The following RASSF4 variants were observed in gnomAD, a reference collection of about 807,000 sequenced individuals.
The protein encoded by RASSF4 is Ras association domain family member 4.
A neutral mutation model predicts 41.1 loss-of-function variants in RASSF4; 38 were observed. The ratio of observed to expected loss-of-function variants is 0.92; its 90% CI spans 0.71 to 1.21. The LOEUF is 1.21. RASSF4 is among the 50% of genes most tolerant of loss of function. The pLI is 0.00. For synonymous variants in RASSF4, 179 were observed against 163.4 expected, an observed-to-expected ratio of 1.10 and a Z score of -0.73; for missense variants, 414 against 419.4, an observed-to-expected ratio of 0.99 and a Z score of 0.11.
chr10:44,974,622 A>C (rs1588809236), intron 3 of RASSF4, among the ~76,000 whole-genome samples: 5 of 151,640 alleles, frequency 3.3e-5, no homozygotes, highest in African/African-American at 4.8e-5. Context: ...CCTGAAAGAG[A>C]CCCCCCCGTG....
intron 3 of RASSF4, chr10:44,977,353 C>G: frequency 6.6e-7 from 1 of 1,518,762 alleles, no homozygotes; most frequent in Non-Finnish European, 8.8e-7. Flanking sequence ...GAGATGCAGA[C>G]CCAGCATGCT....
intron 9 of RASSF4, 35 bp from the exon 10 acceptor site, chr10:44,991,870 T>C (rs1342795423): frequency 6.9e-7 from 1 of 1,452,398 alleles, no homozygotes; most frequent in African/African-American, 1.4e-5. Flanking sequence ...TGGCTTCGAA[T>C]TTAAAGCACA....
At chr10:44,988,888 G>A (rs923519610) in intron 6 of RASSF4, among the ~76,000 whole-genome samples, 1 of 152,236 alleles carries the variant, frequency 6.6e-6, no homozygotes, top group East Asian at 1.9e-4. Flanking sequence ...ACTGCTGGGA[G>A]AATGAAGAGG....
Position 44,993,310 on chromosome 10 carries a change from A to G in RASSF4, c.947A>G (p.Gln316Arg). 2 of 1,606,536 alleles carry G rather than the reference A, an allele frequency of 1.2e-6. No homozygotes were observed. The highest frequency in any genetic ancestry group is 1.7e-6 in the Non-Finnish European group (2 of 1,179,390). The change falls in exon 11 of 11, where the codon CAG becomes CGG. Residue 316 changes from glutamine (Q) to arginine (R), a missense_variant. By Grantham distance (43) the Gln-to-Arg change is conservative. Transcript: ENST00000340258. The part of the protein sequence containing the change: ...LRLTMLQRLE[Q>R]LVEAK ...CTGACGATGCTGCAGCGCCTGGAGC[A>G]GCTGGTGGAGGCCAAGTAACTGGCC...
rs368684177 is a variant in RASSF4, at chr10:44,983,080, T to G, written c.281+417T>G. On this transcript the variant is annotated intron_variant, in intron 4 of 10. Coordinates refer to ENST00000340258, the MANE Select transcript of RASSF4 (RefSeq NM_032023.4). Reference sequence around the variant, plus strand: ...AATTTTAAAAATAAATTTATCAGAATTTCACATTACATTTGTTTAATATCA... The same window carrying G: ...AATTTTAAAAATAAATTTATCAGAAGTTCACATTACATTTGTTTAATATCA... 8 of 426,712 alleles carry G rather than the reference T, an allele frequency of 1.9e-5. No homozygotes were observed. In the Middle Eastern group the frequency reaches 2.1e-3, roughly 111 times the overall value. 26.4% of individuals were successfully genotyped at this position (426,712 alleles called of 1,614,324 possible).
At position 44,991,977 on chromosome 10, in the gene RASSF4, A is replaced by C; in HGVS notation, c.880A>C (p.Arg294=). The C allele has an allele frequency of 1.2e-6, 2 of 1,611,810 alleles. No individual in the cohort carries two copies. The highest frequency in any genetic ancestry group is 2.2e-5 in the South Asian group (2 of 91,042). ...TGAAAAATTAAAAGAAGAGGAAGAAAGAGAAATAATCAAACTGACCATGAA... is the reference window on the plus strand; with the variant it reads ...TGAAAAATTAAAAGAAGAGGAAGAACGAGAAATAATCAAACTGACCATGAA... The part of the protein sequence containing the change: ...FVEKLKEEEE[R]EIIKLTMKFQ... Residue 294 remains arginine, a synonymous_variant, in exon 10 of 11, where the codon AGA becomes CGA. Transcript: ENST00000340258.
At chr10:44,964,654 A>G (rs74128118) in intron 1 of RASSF4, among the ~76,000 whole-genome samples, 3,724 of 152,316 alleles carry the variant, frequency 0.024, 142 homozygotes, top group African/African-American at 0.086. Flanking sequence ...AGACTGAAAA[A>G]TACTCCAGCA....
At chr10:44,989,429 G>T (rs1842031230) in intron 7 of RASSF4, 54 bp downstream of exon 7, 2 of 1,317,992 alleles carry the variant, frequency 1.5e-6, no homozygotes, top group South Asian at 2.4e-5. Context: ...CTGCTATTCT[G>T]TTGGGGGTGG....
At chr10:44,971,120 G>A in intron 2 of RASSF4, 1 of 250,106 alleles carries the variant, frequency 4.0e-6, no homozygotes, top group Non-Finnish European at 8.0e-6. Flanking sequence ...TCCCACGTCT[G>A]CTGGCCCCAC....
chr10:44,971,505 C>CCCTGGATAT (rs1163873787), intron 2 of RASSF4: 1 of 635,812 alleles, frequency 1.6e-6, no homozygotes, highest in South Asian at 1.5e-5. Flanking sequence ...AGTGTCGGCA[C>CCCTGGATAT]CCTGGACATC....
rs143648470 is a variant in RASSF4, at chr10:44,990,729, C to T, written c.686-219C>T. 586 of 417,626 alleles carry T rather than the reference C, an allele frequency of 1.4e-3. 8 individuals carry two copies. Among genetic ancestry groups the T allele is most frequent in the African/African-American group, 0.01 (514 of 50,512 alleles). 25.9% of individuals were successfully genotyped at this position (417,626 alleles called of 1,614,324 possible). The stretch of plus-strand genomic sequence containing the variant: ...TATCTTCTTCTTCTCAATTGCCAGC[C>T]GCTCCACTTAATCCTTATGCCAAAG... On this transcript the variant is annotated intron_variant, in intron 8 of 10. Transcript: ENST00000340258.
chr10:44,984,989 C>T lies in RASSF4; in HGVS notation c.531+19C>T. The T allele has an allele frequency of 2.5e-6, 4 of 1,603,090 alleles. No homozygotes were observed. The highest frequency in any genetic ancestry group is 1.1e-5 in the South Asian group (1 of 90,936). On this transcript the variant is annotated intron_variant, in intron 6 of 10. Transcript: ENST00000340258. Reference sequence around the variant, plus strand: ...TCATAAGGTGATGCCCCAGCCTGGCCTCTCCCCTGGGCGCATGGGGAGCCA... The same window carrying T: ...TCATAAGGTGATGCCCCAGCCTGGCTTCTCCCCTGGGCGCATGGGGAGCCA...
chr10:44,985,532 G>C (rs1256440799), intron 6 of RASSF4, among the ~76,000 whole-genome samples: 1 of 152,264 alleles, frequency 6.6e-6, no homozygotes, highest in Non-Finnish European at 1.5e-5. Flanking sequence ...ATGATTGGCT[G>C]TCTGGGCAAG....
At chr10:44,979,335 T>A (rs1841603009) in intron 3 of RASSF4, among the ~76,000 whole-genome samples, 1 of 151,996 alleles carries the variant, frequency 6.6e-6, no homozygotes, top group African/African-American at 2.4e-5. Flanking sequence ...TTTCGGAGGA[T>A]TTGTTTGTTT....
At chr10:44,987,000 T>G (rs756619842) in intron 6 of RASSF4, among the ~76,000 whole-genome samples, 2 of 152,242 alleles carry the variant, frequency 1.3e-5, no homozygotes, top group Non-Finnish European at 2.9e-5. Context: ...TGTTCCTACT[T>G]GGAGTTGGTT....
chr10:44,989,078 G>A (rs1842016844), intron 6 of RASSF4, among the ~76,000 whole-genome samples, 196 bp from the exon 7 acceptor site: 2 of 152,220 alleles, frequency 1.3e-5, no homozygotes, highest in Admixed American at 1.3e-4. Flanking sequence ...TAGGCCTCTG[G>A]AAGGAGTGCA....
chr10:44,978,990 G>A (rs757891801), intron 3 of RASSF4, among the ~76,000 whole-genome samples: 2 of 152,198 alleles, frequency 1.3e-5, no homozygotes, highest in Non-Finnish European at 2.9e-5. Context: ...GAATGTTTAC[G>A]CTGCAGGGCA....
chr10:44,988,856 G>A (rs910596855), intron 6 of RASSF4, among the ~76,000 whole-genome samples: 3 of 152,212 alleles, frequency 2.0e-5, no homozygotes, highest in East Asian at 3.9e-4. Context: ...CTGATATGGT[G>A]TGATCAGTGC....
chr10:44,962,435 A>C (rs1045164840), intron 1 of RASSF4, among the ~76,000 whole-genome samples: 1 of 152,246 alleles, frequency 6.6e-6, no homozygotes, highest in Non-Finnish European at 1.5e-5. Flanking sequence ...TAAGCTTTCA[A>C]GAGACTCCAA....
Sources: gnomAD v4.1 joint callset for allele counts (sites outside exome capture counted in the v4.1 genomes callset) on GRCh38, gnomAD v4.1.1 for gene constraint, MANE v1.5 for transcripts, NCBI Gene and HGNC (gene_info 2026-07-23, HGNC 2026-07-21) for gene names.